The following DAAM2 variants were observed in gnomAD, a reference collection of about 807,000 sequenced individuals.
DAAM2 encodes the protein dishevelled associated activator of morphogenesis 2, also known as disheveled-associated activator of morphogenesis 2.
A neutral mutation model predicts 120.7 loss-of-function variants in DAAM2; 39 were observed. That is an observed-to-expected ratio of 0.32 (90% CI 0.25 to 0.42). The LOEUF is 0.42. Ranked by LOEUF, DAAM2 falls within the 10% of genes least tolerant of loss-of-function variation. The probability of loss-of-function intolerance (pLI) is 1.00; values close to 1 mark genes in which losing one functional copy is unlikely to be tolerated. For missense variants in DAAM2, 1,283 were observed against 1,401.7 expected, an observed-to-expected ratio of 0.92 and a Z score of 1.35; for synonymous variants, 488 against 524.9, an observed-to-expected ratio of 0.93 and a Z score of 0.96.
chr6:39,843,008 A>G (rs889410967), intron 1 of DAAM2, among the ~76,000 whole-genome samples: 9 of 152,228 alleles, frequency 5.9e-5, no homozygotes, highest in Admixed American at 4.6e-4. Context: ...ATGTCATGTC[A>G]TCACATTGAT....
chr6:39,793,528 C>T (rs1014188663), intron 1 of DAAM2, among the ~76,000 whole-genome samples: 12 of 150,770 alleles, frequency 8.0e-5, no homozygotes. Flanking sequence ...CACACCTCTC[C>T]GGAAAAGAGT....
At chr6:39,893,322 C>CA (rs2149362765) in intron 19 of DAAM2, among the ~76,000 whole-genome samples, 1 of 152,306 alleles carries the variant, frequency 6.6e-6, no homozygotes, top group Admixed American at 6.5e-5. Context: ...TGAGACCACT[C>CA]TGGCTAACAC....
At chr6:39,804,407 C>T (rs962092639) in intron 1 of DAAM2, among the ~76,000 whole-genome samples, 27 of 152,160 alleles carry the variant, frequency 1.8e-4, no homozygotes, top group African/African-American at 6.5e-4. Flanking sequence ...TATTCATTTA[C>T]TCAGTCACTA....
chr6:39,904,268 A>C lies in DAAM2; in HGVS notation c.*2231A>C. ...CAGAGCTCAGCCTTCTCACTCTAAA[A>C]GAAAGATATTTTTCTATTTATTTTC... On this transcript the variant is annotated 3_prime_UTR_variant, in exon 25 of 25. Transcript: ENST00000274867. 2.2e-6 allele frequency: 1 copy of C among 456,616 alleles called. No homozygotes were observed. The highest frequency in any genetic ancestry group is 1.6e-5 in the South Asian group (1 of 64,478). 28.3% of individuals were successfully genotyped at this position (456,616 alleles called of 1,614,324 possible).
At chr6:39,828,581 T>TTTTTTTTTTTTTA (rs1372409752) in intron 1 of DAAM2, among the ~76,000 whole-genome samples, 2 of 151,504 alleles carry the variant, frequency 1.3e-5, no homozygotes, top group African/African-American at 4.9e-5. Context: ...TTTTTTTTTT[T>TTTTTTTTTTTTTA]GAGACGGATT....
At chr6:39,866,288 A>G (rs977410965) in intron 5 of DAAM2, among the ~76,000 whole-genome samples, 4 of 152,222 alleles carry the variant, frequency 2.6e-5, no homozygotes, top group Non-Finnish European at 4.4e-5. Flanking sequence ...TCCCTTAATA[A>G]TATTCTGCTA....
chr6:39,896,665 G>A (rs1430491906), intron 19 of DAAM2, 147 bp from the exon 20 acceptor site: 4 of 574,284 alleles, frequency 7.0e-6, no homozygotes, highest in Non-Finnish European at 1.1e-5. Context: ...GTCTGCTGAG[G>A]AGTAGGTATA....
At chr6:39,882,836 C>T (rs965295714) in intron 14 of DAAM2, among the ~76,000 whole-genome samples, 9 of 152,256 alleles carry the variant, frequency 5.9e-5, no homozygotes, top group South Asian at 2.1e-4. Context: ...GCTTCCCAGC[C>T]GGCATTCCAC....
chr6:39,809,362 C>T lies in DAAM2; in HGVS notation c.-57+16897C>T, dbSNP rs145791384. On this transcript the variant is annotated intron_variant, in intron 1 of 24. Coordinates refer to ENST00000274867, the MANE Select transcript of DAAM2 (RefSeq NM_001201427.2). ...CTTCCGTGACCAACCTCACAGGCCTCAGTTCTTTGGCTCTCATTCATGTCT... is the reference window on the plus strand; with the variant it reads ...CTTCCGTGACCAACCTCACAGGCCTTAGTTCTTTGGCTCTCATTCATGTCT... 8.1e-4 allele frequency among the ~76,000 whole-genome samples: 123 copies of T among 152,306 alleles called. 2 individuals are homozygous for T. In the East Asian group the frequency reaches 0.023, roughly 28 times the overall value.
At chr6:39,853,318 G>T (rs1180101001) in intron 1 of DAAM2, among the ~76,000 whole-genome samples, 1 of 152,206 alleles carries the variant, frequency 6.6e-6, no homozygotes, top group African/African-American at 2.4e-5. Context: ...GGTTGGGAGG[G>T]CATTGTCCTC....
intron 1 of DAAM2, 50 bp downstream of exon 1, chr6:39,792,515 G>C (rs1005800438): frequency 2.6e-5 from 4 of 152,124 alleles, no homozygotes; most frequent in Non-Finnish European, 5.9e-5. Flanking sequence ...CGGGCCGCGG[G>C]GAGCCCTCTC....
chr6:39,799,434 A>G (rs1468719622), intron 1 of DAAM2, among the ~76,000 whole-genome samples: 1 of 152,240 alleles, frequency 6.6e-6, no homozygotes, highest in Non-Finnish European at 1.5e-5. Flanking sequence ...GTTTGACTAC[A>G]GAATGTGTTG....
chr6:39,895,235 T>C (rs967035588), intron 19 of DAAM2, among the ~76,000 whole-genome samples: 1 of 151,480 alleles, frequency 6.6e-6, no homozygotes, highest in Non-Finnish European at 1.5e-5. Flanking sequence ...TACTTATTTA[T>C]TTATTTATTT....
At chr6:39,830,181 C>T (rs6924787) in intron 1 of DAAM2, among the ~76,000 whole-genome samples, 9,844 of 152,238 alleles carry the variant, frequency 0.065, 390 homozygotes, top group Non-Finnish European at 0.075. Flanking sequence ...AGTGGATGCC[C>T]ATGGGGCAAT....
intron 23 of DAAM2, among the ~76,000 whole-genome samples, chr6:39,900,663 A>G (rs1358325445): frequency 6.6e-6 from 1 of 152,150 alleles, no homozygotes; most frequent in African/African-American, 2.4e-5. Context: ...TTATTAAAAC[A>G]TGGATTCTCA....
intron 1 of DAAM2, among the ~76,000 whole-genome samples, chr6:39,812,040 A>G (rs1033469063): frequency 2.0e-5 from 3 of 152,190 alleles, no homozygotes; most frequent in Non-Finnish European, 4.4e-5. Context: ...TATCTGGGGC[A>G]TAGGGCAGGG....
intron 1 of DAAM2, among the ~76,000 whole-genome samples, chr6:39,842,690 G>GAAGTATA (rs1763396340): frequency 2.6e-5 from 4 of 151,960 alleles, no homozygotes; most frequent in Non-Finnish European, 5.9e-5. Context: ...AATAACGTAT[G>GAAGTATA]TAATGAAGTA....
chr6:39,792,768 G>GT (rs1363462959), intron 1 of DAAM2, among the ~76,000 whole-genome samples: 1 of 152,200 alleles, frequency 6.6e-6, no homozygotes, highest in African/African-American at 2.4e-5. Context: ...TTTTAAAAAT[G>GT]TTTTTTGCGG....
chr6:39,846,209 T>C (rs1763582343), intron 1 of DAAM2, among the ~76,000 whole-genome samples: 1 of 152,104 alleles, frequency 6.6e-6, no homozygotes, highest in Admixed American at 6.6e-5. Flanking sequence ...TACCTGCACG[T>C]ACCCAGCCCC....
Sources: allele counts gnomAD v4.1 joint callset (sites outside exome capture counted in the v4.1 genomes callset), GRCh38; gene constraint gnomAD v4.1.1; transcripts MANE v1.5; gene names NCBI Gene and HGNC (gene_info 2026-07-23, HGNC 2026-07-21).